The following RGS22 variants were observed in gnomAD, a reference collection of about 807,000 sequenced individuals.
RGS22 encodes regulator of G-protein signaling 22.
RGS22 carries 148 observed loss-of-function variants against 172.9 expected under a neutral mutation model. The ratio of observed to expected loss-of-function variants is 0.86; its 90% confidence interval spans 0.75 to 0.98. The LOEUF is 0.98. Ranked by LOEUF, RGS22 falls within the 50% of genes least tolerant of loss-of-function variation. The pLI, the probability that RGS22 is intolerant of heterozygous loss-of-function variation, is 0.00. For missense variants in RGS22, 1,347 were observed against 1,440.8 expected, an observed-to-expected ratio of 0.93 and a Z score of 1.05; for synonymous variants, 458 against 480.2, an observed-to-expected ratio of 0.95 and a Z score of 0.60.
At chr8:100,086,867 C>T (rs1312085347) in intron 3 of RGS22, among the ~76,000 whole-genome samples, 1 of 152,042 alleles carries the variant, frequency 6.6e-6, no homozygotes, top group African/African-American at 2.4e-5. Flanking sequence ...CAAGGAGGAG[C>T]CACTGAAGAG....
At chr8:100,014,615 C>G (rs1816756398) in intron 14 of RGS22, among the ~76,000 whole-genome samples, 1 of 152,188 alleles carries the variant, frequency 6.6e-6, no homozygotes, top group Non-Finnish European at 1.5e-5. Flanking sequence ...CCAACCCTTT[C>G]TCTTGATTCT....
In RGS22 at chr8:100,003,860, T is replaced by C. The variant is rs1399185829; in HGVS notation, c.2627+66A>G. 32 of 1,331,496 alleles carry C rather than the reference T, an allele frequency of 2.4e-5. No individual in the cohort carries two copies. The East Asian group carries it at 7.1e-4, about 30-fold the overall frequency. The allele number at this position is 1,331,496 out of a possible 1,614,324, so 82.5% of individuals were successfully genotyped here. A position where few individuals can be genotyped will look rare whatever the true frequency, so the allele number is the denominator to read the frequency against. Reference sequence around the variant, plus strand: ...ATAGCACCAAATCACTTTTATAATATGTTGAATCAAAAATAGTAGCTTAGA... The same window carrying C: ...ATAGCACCAAATCACTTTTATAATACGTTGAATCAAAAATAGTAGCTTAGA... On this transcript the variant is annotated intron_variant, in intron 17 of 27. Transcript: ENST00000360863.
rs1821498253 is a variant in RGS22, at chr8:100,051,740, A to AATGTTT, written c.1689+1061_1689+1062insAAACAT. 3.7e-5 allele frequency among the ~76,000 whole-genome samples: 3 copies of AATGTTT among 80,028 alleles called. 1 individual carries two copies. The highest frequency in any genetic ancestry group is 1.7e-4 in the African/African-American group (3 of 17,520). 52.5% of individuals were successfully genotyped at this position (80,028 alleles called of 152,430 possible). On this transcript the variant is annotated intron_variant, in intron 10 of 27. Coordinates refer to ENST00000360863, the MANE Select transcript of RGS22 (RefSeq NM_015668.5). ...ATATATTTATATATACGTATATATA[A>AATGTTT]ATATATATTTATATATTTATATATA...
chr8:100,054,771 A>T (rs1262115416), intron 9 of RGS22, among the ~76,000 whole-genome samples: 1 of 152,086 alleles, frequency 6.6e-6, no homozygotes, highest in Non-Finnish European at 1.5e-5. Flanking sequence ...TTACTTGCAG[A>T]CTTGGAAATA....
At chr8:100,103,700 A>T (rs1813683332) in intron 2 of RGS22, among the ~76,000 whole-genome samples, 1 of 152,180 alleles carries the variant, frequency 6.6e-6, no homozygotes, top group Admixed American at 6.5e-5. Flanking sequence ...AAGCCCAGAG[A>T]ACAGAATCCT....
Position 99,999,397 on chromosome 8 carries a change from C to T in RGS22, c.2814G>A (p.Trp938Ter). Reference protein sequence around the residue: ...QNQVMHLSGGWGKILHEQLDA... With the variant: ...QNQVMHLSGG ...CAAGCTGCTCATGAAGAATCTTCCC[C>T]CAGCCACCACTTAAATGCATTACCT... Residue 938 changes from tryptophan (W) to a stop codon, truncating the protein, a stop_gained, in exon 19 of 28, where the codon TGG becomes TGA. Transcript: ENST00000360863. LOFTEE classifies it high-confidence loss of function. 1 of 1,613,704 alleles carries T rather than the reference C, an allele frequency of 6.2e-7. No homozygotes were observed. The highest frequency in any genetic ancestry group is 2.2e-5 in the East Asian group (1 of 44,870).
chr8:99,963,455 GTAAA>G (rs1167084699), intron 24 of RGS22, among the ~76,000 whole-genome samples: 3 of 152,104 alleles, frequency 2.0e-5, no homozygotes, highest in Non-Finnish European at 4.4e-5. Flanking sequence ...CAATTTGACT[GTAAA>G]TCAAGTTTTA....
chr8:99,989,012 A>C (rs888866631), intron 20 of RGS22, among the ~76,000 whole-genome samples: 31 of 152,104 alleles, frequency 2.0e-4, no homozygotes, highest in African/African-American at 7.2e-4. Context: ...AAAACCTGTA[A>C]TTTAAACAAA....
intron 10 of RGS22, 115 bp downstream of exon 10, chr8:100,052,687 A>G: frequency 1.0e-6 from 1 of 966,274 alleles, no homozygotes; most frequent in Non-Finnish European, 1.6e-6. Context: ...TGCAGCTTGT[A>G]CATTAGCAAA....
intron 27 of RGS22, among the ~76,000 whole-genome samples, chr8:99,961,789 A>C (rs576720259): frequency 6.6e-6 from 1 of 152,294 alleles, no homozygotes; most frequent in Non-Finnish European, 1.5e-5. Context: ...AAGAGAAAAA[A>C]ATGAGTGGGC....
chr8:100,096,281 A>G (rs914602521), intron 2 of RGS22, among the ~76,000 whole-genome samples: 6 of 152,242 alleles, frequency 3.9e-5, no homozygotes, highest in Non-Finnish European at 8.8e-5. Context: ...TTAATGGTAC[A>G]ATCAAGAAGA....
rs370916976 is a variant in RGS22, at chr8:100,063,574, C to T, written c.1194G>A (p.Ala398=). The change falls in exon 8 of 28, where the codon GCG becomes GCA. Residue 398 remains alanine, a synonymous_variant. Transcript: ENST00000360863. ...KNESAGPESR[A]DWCISHRTYD... is the part of the protein sequence containing the mutation. ...AAGTCCTATGAGAAATACACCAGTC[C>T]GCCCTGCTCTCTGGTCCAGCGCTCT... 8.3e-5 allele frequency: 134 copies of T among 1,613,966 alleles called. No homozygotes were observed. Among genetic ancestry groups the T allele is most frequent in the East Asian group, 1.6e-4 (7 of 44,856 alleles).
At chr8:100,043,526 C>T (rs1191623717) in intron 11 of RGS22, among the ~76,000 whole-genome samples, 1 of 152,092 alleles carries the variant, frequency 6.6e-6, no homozygotes, top group Non-Finnish European at 1.5e-5. Flanking sequence ...CCTATAATCC[C>T]AGCACTTGGG....
chr8:100,072,399 G>T (rs1034838414), intron 4 of RGS22, among the ~76,000 whole-genome samples, 169 bp from the exon 5 acceptor site: 1 of 144,984 alleles, frequency 6.9e-6, no homozygotes, highest in Non-Finnish European at 1.5e-5. Context: ...CAAATGTGAG[G>T]CACTTCTTGC....
chr8:99,973,882 A>C (rs1258784800), intron 23 of RGS22, among the ~76,000 whole-genome samples: 2 of 151,350 alleles, frequency 1.3e-5, no homozygotes, highest in African/African-American at 4.9e-5. Context: ...AAAAAAAAAA[A>C]CAAAAAAAAC....
intron 2 of RGS22, among the ~76,000 whole-genome samples, chr8:100,095,492 T>G (rs1450605019): frequency 1.3e-5 from 2 of 152,142 alleles, no homozygotes; most frequent in Non-Finnish European, 1.5e-5. Context: ...CCCTGTTTTG[T>G]TGTTGTTTTT....
At chr8:100,034,307 C>T (rs1181967546) in intron 14 of RGS22, among the ~76,000 whole-genome samples, 2 of 152,272 alleles carry the variant, frequency 1.3e-5, no homozygotes, top group East Asian at 1.9e-4. Flanking sequence ...CACAAGCATT[C>T]CTATACACCA....
At chr8:100,033,748 A>T (rs991405361) in intron 14 of RGS22, among the ~76,000 whole-genome samples, 9 of 31,084 alleles carry the variant, frequency 2.9e-4, no homozygotes, top group Non-Finnish European at 2.4e-4. Context: ...GCAGCACATC[A>T]AAAAGCTTAT....
rs574144180 is a variant in RGS22 at position 99,981,840 on chromosome 8, G to A, written c.3360+97C>T. On this transcript the variant is annotated intron_variant, in intron 22 of 27. Coordinates refer to ENST00000360863, the MANE Select transcript of RGS22 (RefSeq NM_015668.5). ...GCCTCCCAAAGTGCTGGGATTACAGGCGTGAGCCACCACGCCTGGCCCAAA... is the reference window on the plus strand; with the variant it reads ...GCCTCCCAAAGTGCTGGGATTACAGACGTGAGCCACCACGCCTGGCCCAAA... 79 of 1,125,632 alleles carry A rather than the reference G, an allele frequency of 7.0e-5. No individual in the cohort carries two copies. The Admixed American group carries it at 1.7e-3, about 24-fold the overall frequency. 69.7% of individuals were successfully genotyped at this position (1,125,632 alleles called of 1,614,324 possible).
Sources: gnomAD v4.1 joint callset for allele counts (sites outside exome capture counted in the v4.1 genomes callset) on GRCh38, gnomAD v4.1.1 for gene constraint, MANE v1.5 for transcripts, NCBI Gene and HGNC (gene_info 2026-07-23, HGNC 2026-07-21) for gene names.